HUWE1: variants seen among roughly 807,000 people sequenced by gnomAD.
HUWE1 encodes HECT, UBA and WWE domain containing E3 ubiquitin protein ligase 1, also known as E3 ubiquitin-protein ligase HUWE1.
In HUWE1, 18 loss-of-function variants were observed where a neutral mutation model predicts 299.4. The ratio of observed to expected loss-of-function variants is 0.06; its 90% CI spans 0.04 to 0.09. The LOEUF (loss-of-function observed/expected upper bound fraction) is 0.09, where lower values mean the gene tolerates loss of function less well. HUWE1 is among the 10% of genes least tolerant of loss of function. The pLI is 1.00. For synonymous variants in HUWE1, 1,317 were observed against 1,286.1 expected (o/e 1.02, Z -0.51); for missense variants, 1,832 against 3,462.3 (o/e 0.53, Z 11.82).
intron 26 of HUWE1, among the ~76,000 whole-genome samples, chrX:53,604,334 A>G (rs2065044878): frequency 8.9e-6 from 1 of 111,940 alleles, no homozygotes. Context: ...GAAAGTACTA[A>G]GGCCAGATGA....
At chrX:53,556,137 T>C in intron 60 of HUWE1, 1 of 337,427 alleles carries the variant, frequency 3.0e-6, no homozygotes, top group Admixed American at 3.2e-5. Flanking sequence ...ATCTGTCCCC[T>C]TCCATGTCTC....
intron 29 of HUWE1, among the ~76,000 whole-genome samples, chrX:53,596,607 C>T (rs192403782): frequency 2.3e-4 from 26 of 112,038 alleles, no homozygotes; most frequent in Admixed American, 6.6e-4. Flanking sequence ...CCACAATCTG[C>T]TTAAAACACT....
intron 19 of HUWE1, among the ~76,000 whole-genome samples, chrX:53,621,234 G>C (rs1402847203): frequency 9.1e-6 from 1 of 110,153 alleles, no homozygotes; most frequent in East Asian, 2.8e-4. Flanking sequence ...AAATATCTTT[G>C]TGGAATATTC....
In HUWE1 at chrX:53,547,856, T is replaced by C; in HGVS notation, c.10453A>G (p.Thr3485Ala). ...NSGSGASSTT[T>A]ATSTTSTTTT... ...GTGGTAGATGTGGTTGAGGTGGCAGTGGTGGTGGAGGAAGCACCGCTGCCA... is the reference window on the plus strand; with the variant it reads ...GTGGTAGATGTGGTTGAGGTGGCAGCGGTGGTGGAGGAAGCACCGCTGCCA... Residue 3485 changes from threonine to alanine, a missense_variant, in exon 68 of 84, where the codon ACT becomes GCT. By Grantham distance (58) the Thr-to-Ala change is moderately conservative (BLOSUM62 0). Transcript: ENST00000262854. 1 of 1,203,767 alleles carries C rather than the reference T, an allele frequency of 8.3e-7. No individual in the cohort carries two copies. The highest frequency in any genetic ancestry group is 1.8e-5 in the South Asian group (1 of 55,865).
intron 48 of HUWE1, among the ~76,000 whole-genome samples, chrX:53,569,351 A>G (rs782721268): frequency 3.5e-5 from 4 of 112,765 alleles, no homozygotes; most frequent in Admixed American, 9.3e-5. Flanking sequence ...TTTAAAATAT[A>G]AGATCAAATA....
chrX:53,651,793 C>A (rs1557040342), intron 4 of HUWE1, among the ~76,000 whole-genome samples: 2 of 111,218 alleles, frequency 1.8e-5, no homozygotes, highest in Non-Finnish European at 3.8e-5. Context: ...GCAACTCCCC[C>A]TTCTCTCTCC....
At chrX:53,581,127 G>T in intron 42 of HUWE1, 101 bp from the exon 43 acceptor site, 1 of 714,955 alleles carries the variant, frequency 1.4e-6, no homozygotes, top group Non-Finnish European at 2.1e-6. Flanking sequence ...ATTTTGGGGA[G>T]AATGACATTT....
chrX:53,684,814 G>A (rs1339700156), intron 2 of HUWE1, among the ~76,000 whole-genome samples: 1 of 112,310 alleles, frequency 8.9e-6, no homozygotes, highest in Non-Finnish European at 1.9e-5. Flanking sequence ...TCGCCGCACT[G>A]CAGGCTAACC....
chrX:53,682,017 G>A (rs1477662910), intron 2 of HUWE1, among the ~76,000 whole-genome samples: 1 of 110,099 alleles, frequency 9.1e-6, no homozygotes, highest in Non-Finnish European at 1.9e-5. Context: ...GGCCTATGAG[G>A]AAAAAAAATA....
At chrX:53,580,126 C>CA (rs782123920) in intron 43 of HUWE1, among the ~76,000 whole-genome samples, 1 of 110,613 alleles carries the variant, frequency 9.0e-6, no homozygotes, top group East Asian at 2.8e-4. Flanking sequence ...TTTTTATTAC[C>CA]AAAAAAGTCA....
chrX:53,542,845 T>TTG (rs57187405), intron 73 of HUWE1: 9,867 of 162,697 alleles, frequency 0.061, 456 homozygotes, highest in African/African-American at 0.11. Flanking sequence ...TCTTCTTCTG[T>TTG]TGTGTGTGTG....
chrX:53,589,954 G>A, intron 35 of HUWE1, 138 bp from the exon 36 acceptor site: 1 of 679,797 alleles, frequency 1.5e-6, no homozygotes, highest in Non-Finnish European at 2.2e-6. Flanking sequence ...TTTCATCCAG[G>A]ATGTGGCAGC....
intron 23 of HUWE1, among the ~76,000 whole-genome samples, chrX:53,614,035 T>C (rs958105969): frequency 5.4e-5 from 6 of 111,716 alleles, no homozygotes; most frequent in Non-Finnish European, 9.4e-5. Context: ...GAAGCCGAGG[T>C]GGGTAGATCA....
intron 33 of HUWE1, among the ~76,000 whole-genome samples, chrX:53,591,622 T>A (rs782237899): frequency 1.8e-5 from 2 of 111,730 alleles, no homozygotes; most frequent in Non-Finnish European, 3.8e-5. Context: ...AATAAAAGAA[T>A]GACCAATTAG....
At chrX:53,533,857 A>G in intron 83 of HUWE1, 150 bp downstream of exon 83, 2 of 552,596 alleles carry the variant, frequency 3.6e-6, no homozygotes, top group Admixed American at 5.3e-5. Flanking sequence ...CATCTCAAAC[A>G]TCACCTCCAT....
chrX:53,607,967 C>G (rs1234961800), intron 24 of HUWE1, among the ~76,000 whole-genome samples: 1 of 111,529 alleles, frequency 9.0e-6, no homozygotes, highest in Non-Finnish European at 1.9e-5. Context: ...TTGCTCAGGG[C>G]CACATTATGA....
intron 8 of HUWE1, among the ~76,000 whole-genome samples, chrX:53,633,231 C>A (rs1372240711): frequency 8.9e-6 from 1 of 112,301 alleles, no homozygotes; most frequent in Admixed American, 9.4e-5. Context: ...AAATGTCTCA[C>A]TGAAAGACAC....
At position 53,535,692 on chromosome X, in the gene HUWE1, G is replaced by C. The variant is rs3747437; in HGVS notation, c.12532-191C>G. 0.41 allele frequency among the ~76,000 whole-genome samples: 45,192 copies of C among 110,697 alleles called. 8,119 individuals carry two copies. The highest frequency in any genetic ancestry group is 0.55 in the Middle Eastern group (114 of 208). On this transcript the variant is annotated intron_variant, in intron 80 of 83. Coordinates refer to ENST00000262854, the MANE Select transcript of HUWE1 (RefSeq NM_031407.7). The stretch of plus-strand genomic sequence containing the variant: ...ATAGGGAAAGGCTTTGGGTAGGAAA[G>C]AGGAAAATACTCTTTGGCTCTAAGA...
rs1556995273 is a variant in HUWE1 at position 53,604,777 on chromosome X, G to A, written c.2554C>T (p.Leu852Phe). The A allele has an allele frequency of 8.3e-7, 1 of 1,209,626 alleles. No individual in the cohort carries two copies. The highest frequency in any genetic ancestry group is 1.1e-6 in the Non-Finnish European group (1 of 893,345). ...CGGTGTAAGGGCTCCAGGGAGGAGAGGATGGAGTCCAACTGAAGGAGACCC... is the reference window on the plus strand; with the variant it reads ...CGGTGTAAGGGCTCCAGGGAGGAGAAGATGGAGTCCAACTGAAGGAGACCC... ...QEGLLQLDSI[L>F]SSLEPLHRPI... The change falls in exon 26 of 84, where the codon CTC (leucine) becomes TTC (phenylalanine). Residue 852 changes from leucine (L) to phenylalanine (F), a missense_variant. Transcript: ENST00000262854.
Sources: allele counts gnomAD v4.1 joint callset (sites outside exome capture counted in the v4.1 genomes callset), GRCh38; gene constraint gnomAD v4.1.1; transcripts MANE v1.5; gene names NCBI Gene and HGNC (gene_info 2026-07-23, HGNC 2026-07-21).